MARK4: variants seen among roughly 807,000 people sequenced by gnomAD.
MARK4 encodes the protein MAP/microtubule affinity-regulating kinase 4.
A neutral mutation model predicts 81.5 loss-of-function variants in MARK4; 19 were observed. That is an observed-to-expected ratio of 0.23 (90% CI 0.16 to 0.34). MARK4 has a LOEUF of 0.34. MARK4 is among the 10% of genes least tolerant of loss of function. MARK4 has a pLI of 1.00. For synonymous variants in MARK4, 436 were observed against 439.0 expected, an observed-to-expected ratio of 0.99 and a Z score of 0.08; for missense variants, 772 against 1,058.8, an observed-to-expected ratio of 0.73 and a Z score of 3.76.
Position 45,302,405 on chromosome 19 carries a change from G to A in MARK4, c.1954G>A (p.Ala652Thr), listed in dbSNP as rs768981596. 5.0e-6 allele frequency: 8 copies of A among 1,613,976 alleles called. No individual in the cohort carries two copies. Among genetic ancestry groups the A allele is most frequent in the South Asian group, 4.4e-5 (4 of 91,078 alleles). The change falls in exon 17 of 17, where the codon GCC becomes ACC. Residue 652 changes from alanine to threonine, a missense_variant. Physicochemically the swap from Ala to Thr is moderately conservative, Grantham distance 58. Coordinates refer to ENST00000262891, the MANE Select transcript of MARK4 (RefSeq NM_001199867.2). The surrounding 1 kb of genome is among the most constrained non-coding windows in gnomAD (Gnocchi z 4.9). Reference protein sequence around the residue: ...CHLPWDQTETAPRLLRFPWSV... With the variant: ...CHLPWDQTETTPRLLRFPWSV... The stretch of plus-strand genomic sequence containing the variant: ...TCTACCTTGGGATCAAACGGAAACC[G>A]CCCCCCGGCTGCTCCGATTCCCCTG...
At chr19:45,293,522 A>G (rs1175872022) in intron 13 of MARK4, among the ~76,000 whole-genome samples, 1 of 152,268 alleles carries the variant, frequency 6.6e-6, no homozygotes, top group Non-Finnish European at 1.5e-5. Context: ...ACAGTCTTAT[A>G]TTCTTGTTAA....
At chr19:45,260,667 A>G (rs1970369479) in intron 2 of MARK4, among the ~76,000 whole-genome samples, 1 of 152,168 alleles carries the variant, frequency 6.6e-6, no homozygotes, top group South Asian at 2.1e-4. Context: ...ACTGCACTCC[A>G]GCCTGGGTGA....
In MARK4 at chr19:45,270,495, G is replaced by C. The variant is rs190169486; in HGVS notation, c.550-977G>C. On this transcript the variant is annotated intron_variant, in intron 7 of 16. Transcript: ENST00000262891. Reference sequence around the variant, plus strand: ...TTATTTTGTTTCTGCTGGGTAACTTGAGGCTCCAAGAGGGGCAGGAGATTA... The same window carrying C: ...TTATTTTGTTTCTGCTGGGTAACTTCAGGCTCCAAGAGGGGCAGGAGATTA... 1.2e-3 allele frequency among the ~76,000 whole-genome samples: 180 copies of C among 152,228 alleles called. 1 individual carries two copies. Among genetic ancestry groups the C allele is most frequent in the Non-Finnish European group, 2.6e-4 (18 of 68,018 alleles).
At chr19:45,257,981 G>A (rs575990453) in intron 1 of MARK4, among the ~76,000 whole-genome samples, 58 of 140,560 alleles carry the variant, frequency 4.1e-4, no homozygotes, top group African/African-American at 1.5e-3. Flanking sequence ...GAGCCACCAT[G>A]CCTGGCCTTT....
intron 1 of MARK4, among the ~76,000 whole-genome samples, chr19:45,253,344 A>G (rs1970268684): frequency 6.6e-6 from 1 of 152,118 alleles, no homozygotes; most frequent in Admixed American, 6.5e-5. Context: ...GGTCACTACA[A>G]TCTACAGTGA....
At chr19:45,262,249 C>A (rs996393999) in intron 2 of MARK4, among the ~76,000 whole-genome samples, 2 of 149,994 alleles carry the variant, frequency 1.3e-5, no homozygotes, top group African/African-American at 4.9e-5. Context: ...ATCACTTGAG[C>A]CCAGGAGGTC....
chr19:45,261,933 CAAAA>C (rs11308460), intron 2 of MARK4, among the ~76,000 whole-genome samples: 2 of 140,432 alleles, frequency 1.4e-5, no homozygotes, highest in African/African-American at 5.3e-5. Flanking sequence ...AACTCTGTCT[CAAAA>C]AAAAAAAAAG....
At chr19:45,286,866 C>T (rs1350537505) in intron 12 of MARK4, among the ~76,000 whole-genome samples, 3 of 152,096 alleles carry the variant, frequency 2.0e-5, no homozygotes, top group African/African-American at 7.2e-5. Context: ...AATGATAACA[C>T]ATTGTTGACC....
At chr19:45,252,311 C>G (rs1412850850) in intron 1 of MARK4, among the ~76,000 whole-genome samples, 1 of 152,142 alleles carries the variant, frequency 6.6e-6, no homozygotes. Context: ...TCCCAGCACC[C>G]CGGGGCCCCC....
chr19:45,260,623 G>A (rs1451840969), intron 2 of MARK4, among the ~76,000 whole-genome samples: 1 of 152,174 alleles, frequency 6.6e-6, no homozygotes, highest in Non-Finnish European at 1.5e-5. Context: ...CTGGAACCCA[G>A]GAGGCGAAGG....
In MARK4 at chr19:45,276,057, G is replaced by A. The variant is rs369561109; in HGVS notation, c.787-1866G>A. 2.2e-3 allele frequency among the ~76,000 whole-genome samples: 327 copies of A among 152,004 alleles called. 3 individuals are homozygous for A. The highest frequency in any genetic ancestry group is 6.8e-3 in the Middle Eastern group (2 of 294). On this transcript the variant is annotated intron_variant, in intron 8 of 16. Coordinates refer to ENST00000262891, the MANE Select transcript of MARK4 (RefSeq NM_001199867.2). ...TTGTCTGTTTGTTTTTTGAGACAAG[G>A]TCTCAGTCACCCAGGCTGGAGGGCA...
intron 12 of MARK4, among the ~76,000 whole-genome samples, chr19:45,281,778 CGTT>C (rs1970677828): frequency 6.6e-6 from 1 of 152,196 alleles, no homozygotes; most frequent in Non-Finnish European, 1.5e-5. Flanking sequence ...CAGGAGGACA[CGTT>C]GTACAAAGTG....
rs560453851 is a variant in MARK4 at position 45,278,434 on chromosome 19, G to A, written c.907-82G>A. The A allele has an allele frequency of 2.0e-5, 25 of 1,270,218 alleles. No homozygotes were observed. The African/African-American group carries it at 3.4e-4, about 17-fold the overall frequency. 78.7% of individuals were successfully genotyped at this position (1,270,218 alleles called of 1,614,324 possible). ...CAATTCTGGGTGTTAGGCCTCGGAG[G>A]TTTGGGGCAGGGCAGAAGCTGTATG... On this transcript the variant is annotated intron_variant, in intron 9 of 16. Coordinates refer to ENST00000262891, the MANE Select transcript of MARK4 (RefSeq NM_001199867.2).
At chr19:45,272,540 G>A (rs1231187433) in intron 8 of MARK4, among the ~76,000 whole-genome samples, 1 of 152,114 alleles carries the variant, frequency 6.6e-6, no homozygotes, top group African/African-American at 2.4e-5. Context: ...GCAAGTTGGA[G>A]GTTGATTGCT....
At position 45,271,582 on chromosome 19, in the gene MARK4, A is replaced by G. The variant is rs146521129; in HGVS notation, c.660A>G (p.Pro220=). The G allele has an allele frequency of 5.0e-4, 802 of 1,614,172 alleles. 6 individuals are homozygous for G. In the African/African-American group the frequency reaches 9.5e-3, roughly 19 times the overall value. Residue 220 remains proline (P), a synonymous_variant, in exon 8 of 17, where the codon CCA becomes CCG. Transcript: ENST00000262891. This position sits in a 1 kb window ranked among gnomAD's most constrained non-coding sequence, Gnocchi z 4.1. Reference sequence around the variant, plus strand: ...TGGACACGTTCTGCGGGAGCCCCCCATATGCCGCCCCGGAGCTGTTTCAGG... The same window carrying G: ...TGGACACGTTCTGCGGGAGCCCCCCGTATGCCGCCCCGGAGCTGTTTCAGG... The part of the protein sequence containing the change: ...SKLDTFCGSP[P]YAAPELFQGK...
chr19:45,298,052 C>T, intron 15 of MARK4, 98 bp downstream of exon 15: 3 of 1,555,158 alleles, frequency 1.9e-6, no homozygotes, highest in Non-Finnish European at 2.6e-6. Flanking sequence ...CCCAACATTT[C>T]CTCTTCCTCC....
chr19:45,268,248 C>A (rs1970480672), intron 7 of MARK4, among the ~76,000 whole-genome samples: 1 of 151,950 alleles, frequency 6.6e-6, no homozygotes, highest in African/African-American at 2.4e-5. Flanking sequence ...CGAGAACAGC[C>A]TGGGCAACAC....
chr19:45,280,806 T>C, intron 12 of MARK4, 72 bp downstream of exon 12: 2 of 1,575,302 alleles, frequency 1.3e-6, no homozygotes, highest in Non-Finnish European at 1.7e-6. Flanking sequence ...ACGTCAGGGT[T>C]CTCTGATTGG....
chr19:45,290,881 T>G (rs1031865101), intron 13 of MARK4, among the ~76,000 whole-genome samples: 15 of 152,062 alleles, frequency 9.9e-5, no homozygotes, highest in African/African-American at 3.1e-4. Flanking sequence ...AGTGGAATGT[T>G]GTGAGGGAAC....
Sources: allele counts gnomAD v4.1 joint callset (sites outside exome capture counted in the v4.1 genomes callset), GRCh38; gene constraint gnomAD v4.1.1; non-coding constraint Gnocchi (gnomAD v3.1); transcripts MANE v1.5; gene names NCBI Gene and HGNC (gene_info 2026-07-23, HGNC 2026-07-21).